Variants in ATR observed in about 807,000 individuals in gnomAD.
ATR encodes ATR checkpoint kinase.
A neutral mutation model predicts 305.3 loss-of-function variants in ATR; 142 were observed. That is an observed-to-expected ratio of 0.47 (90% CI 0.41 to 0.53). The LOEUF is 0.53. Ranked by LOEUF, ATR falls within the 20% of genes least tolerant of loss-of-function variation. The pLI, the probability that ATR is intolerant of heterozygous loss-of-function variation, is 0.00. For missense variants in ATR, 2,135 were observed against 3,133.1 expected, an observed-to-expected ratio of 0.68 and a Z score of 7.60; for synonymous variants, 1,050 against 1,068.1, an observed-to-expected ratio of 0.98 and a Z score of 0.33.
chr3:142,522,850 G>C lies in ATR; in HGVS notation c.4153-9C>G, dbSNP rs1216201337. 3.2e-6 allele frequency: 4 copies of C among 1,230,936 alleles called. No homozygotes were observed. The highest frequency in any genetic ancestry group is 4.5e-6 in the Non-Finnish European group (4 of 891,174). 76.3% of individuals were successfully genotyped at this position (1,230,936 alleles called of 1,614,324 possible). On this transcript the variant is annotated splice_polypyrimidine_tract_variant and intron_variant, in intron 22 of 46. Coordinates refer to ENST00000350721, the MANE Select transcript of ATR (RefSeq NM_001184.4). Reference sequence around the variant, plus strand: ...GAATCTTCTACTCCAGTCTCAATCAGAAAAAAAAAAAAGAAAATTCCAGGA... The same window carrying C: ...GAATCTTCTACTCCAGTCTCAATCACAAAAAAAAAAAAGAAAATTCCAGGA...
intron 28 of ATR, 121 bp from the exon 29 acceptor site, chr3:142,505,424 T>C: frequency 4.2e-6 from 5 of 1,185,370 alleles, no homozygotes; most frequent in South Asian, 3.9e-5. Context: ...CTCAAAGTAA[T>C]AGTAAGCATT....
chr3:142,578,203 G>C (rs2035502780), intron 1 of ATR, among the ~76,000 whole-genome samples: 2 of 152,162 alleles, frequency 1.3e-5, no homozygotes, highest in South Asian at 4.1e-4. Flanking sequence ...GGGCAGTTTG[G>C]GGACAAAATG....
chr3:142,478,532 G>A (rs1263944288), intron 36 of ATR, among the ~76,000 whole-genome samples: 1 of 152,114 alleles, frequency 6.6e-6, no homozygotes, highest in Non-Finnish European at 1.5e-5. Flanking sequence ...TTTTGGAATA[G>A]GTGTGGTGTG....
chr3:142,512,301 C>A lies in ATR; in HGVS notation c.4811G>T (p.Cys1604Phe), dbSNP rs756155865. 6.2e-7 allele frequency: 1 copy of A among 1,610,104 alleles called. No homozygotes were observed. Among genetic ancestry groups the A allele is most frequent in the Non-Finnish European group, 8.5e-7 (1 of 1,178,262 alleles). ...HKFQALKAEK[C>F]PHSKSNRNKV... ...ATTTCTGTTTGATTTGCTGTGTGGA[C>A]ATTTCTCAGCTTTCAGTGCCTGAAA... Residue 1604 changes from cysteine to phenylalanine, a missense_variant, in exon 27 of 47, where the codon TGT (cysteine) becomes TTT (phenylalanine). Coordinates refer to ENST00000350721, the MANE Select transcript of ATR (RefSeq NM_001184.4).
chr3:142,517,243 T>C lies in ATR; in HGVS notation c.4383-1728A>G, dbSNP rs116032369. 8.9e-3 allele frequency among the ~76,000 whole-genome samples: 1,354 copies of C among 151,828 alleles called. 27 individuals are homozygous for C. The highest frequency in any genetic ancestry group is 0.031 in the African/African-American group (1,290 of 41,424). ...TGATGTTTTCTCCTAAAGTTATTTC[T>C]ATGGTGATTTTGAACTGCAGTTGTT... On this transcript the variant is annotated intron_variant, in intron 24 of 46. Coordinates refer to ENST00000350721, the MANE Select transcript of ATR (RefSeq NM_001184.4).
rs2227929 is a variant in ATR at position 142,558,694 on chromosome 3, A to G, written c.1815T>C (p.Asp605=). The G allele has an allele frequency of 0.38, 614,771 of 1,611,750 alleles. 120,214 individuals are homozygous for G. The highest frequency in any genetic ancestry group is 0.41 in the Non-Finnish European group (477,781 of 1,178,504). ...CAAATGTGGTCAACTTTAAACAGCC[A>G]TCATCAGAATGGGAATAAATCCATG... ...SLPWIYSHSD[D]GCLKLTTFAA... The change falls in exon 8 of 47, where the codon GAT becomes GAC. Residue 605 remains aspartate (D), a synonymous_variant. Coordinates refer to ENST00000350721, the MANE Select transcript of ATR (RefSeq NM_001184.4).
intron 19 of ATR, among the ~76,000 whole-genome samples, chr3:142,537,811 G>A (rs2033911960): frequency 6.6e-6 from 1 of 152,102 alleles, no homozygotes; most frequent in Non-Finnish European, 1.5e-5. Context: ...AATACAAATG[G>A]GAAAGAATAA....
At chr3:142,468,169 G>A (rs2108276651) in intron 38 of ATR, 101 bp from the exon 39 acceptor site, 1 of 1,389,986 alleles carries the variant, frequency 7.2e-7, no homozygotes, top group Non-Finnish European at 9.9e-7. Flanking sequence ...TATTCATGAT[G>A]AGAGTTTATA....
chr3:142,464,315 C>T (rs1186767961), intron 41 of ATR, among the ~76,000 whole-genome samples: 1 of 151,952 alleles, frequency 6.6e-6, no homozygotes, highest in Non-Finnish European at 1.5e-5. Flanking sequence ...TTTGTAGAGA[C>T]AGGGTTTCAC....
chr3:142,537,091 C>CG (rs1388478026), intron 19 of ATR, among the ~76,000 whole-genome samples: 1 of 152,080 alleles, frequency 6.6e-6, no homozygotes, highest in East Asian at 1.9e-4. Flanking sequence ...GGGGATGGAA[C>CG]AATAAACAAA....
At chr3:142,522,288 A>G (rs1267630157) in intron 23 of ATR, among the ~76,000 whole-genome samples, 3 of 152,246 alleles carry the variant, frequency 2.0e-5, no homozygotes, top group Non-Finnish European at 4.4e-5. Context: ...TAATGTTAAT[A>G]TGCACTGGGA....
rs2108337032 is a variant in ATR at position 142,497,196 on chromosome 3, A to G, written c.5559-4T>C. ...CAACTCACATAACATGTGCAATCTGAAGATAGATAGAGCCTATGTTAAAAT... is the reference window on the plus strand; with the variant it reads ...CAACTCACATAACATGTGCAATCTGGAGATAGATAGAGCCTATGTTAAAAT... On this transcript the variant is annotated splice_region_variant and splice_polypyrimidine_tract_variant and intron_variant, in intron 32 of 46. Transcript: ENST00000350721. 1 of 1,613,702 alleles carries G rather than the reference A, an allele frequency of 6.2e-7. No individual in the cohort carries two copies. The highest frequency in any genetic ancestry group is 8.5e-7 in the Non-Finnish European group (1 of 1,179,710).
chr3:142,539,183 C>T (rs2033967013), intron 18 of ATR, among the ~76,000 whole-genome samples: 1 of 152,152 alleles, frequency 6.6e-6, no homozygotes, highest in Non-Finnish European at 1.5e-5. Context: ...CTAGTAGCTA[C>T]ATTCACTTAA....
At chr3:142,523,930 T>C in intron 22 of ATR, 63 bp downstream of exon 22, 2 of 1,506,910 alleles carry the variant, frequency 1.3e-6, no homozygotes, top group Non-Finnish European at 1.8e-6. Flanking sequence ...TCTTTGTAAA[T>C]GAAATATATA....
At chr3:142,450,725 G>T in intron 46 of ATR, 1 of 1,560,012 alleles carries the variant, frequency 6.4e-7, no homozygotes, top group South Asian at 1.1e-5. Flanking sequence ...AAAGAACTAC[G>T]GGGAATGAAG....
intron 34 of ATR, among the ~76,000 whole-genome samples, chr3:142,494,791 A>G (rs1464347291): frequency 6.6e-6 from 1 of 152,240 alleles, no homozygotes; most frequent in Non-Finnish European, 1.5e-5. Flanking sequence ...AGGTATGAAG[A>G]ATACTTTGTA....
intron 35 of ATR, among the ~76,000 whole-genome samples, chr3:142,486,972 A>AC (rs1559930226): frequency 6.8e-6 from 1 of 147,402 alleles, no homozygotes; most frequent in Non-Finnish European, 1.5e-5. Flanking sequence ...AAAAAAAAAA[A>AC]AAAAAAAAAC....
In ATR at chr3:142,578,729, A is replaced by G. The variant is rs1577732299; in HGVS notation, c.-25T>C. 3.7e-6 allele frequency: 6 copies of G among 1,609,684 alleles called. No individual in the cohort carries two copies. The highest frequency in any genetic ancestry group is 5.1e-6 in the Non-Finnish European group (6 of 1,178,778). On this transcript the variant is annotated 5_prime_UTR_variant, in exon 1 of 47. Coordinates refer to ENST00000350721, the MANE Select transcript of ATR (RefSeq NM_001184.4). ...TGCTGAGGCTGCGAGGCACTAGTCA[A>G]CCACGCCAACGCGGGTTCCCGGCGT...
At chr3:142,577,642 A>G (rs2035483017) in intron 1 of ATR, among the ~76,000 whole-genome samples, 1 of 152,264 alleles carries the variant, frequency 6.6e-6, no homozygotes, top group Admixed American at 6.5e-5. Context: ...CTGCAAAAAG[A>G]AAGAGAAGTA....
Sources: allele counts gnomAD v4.1 joint callset (sites outside exome capture counted in the v4.1 genomes callset), GRCh38; gene constraint gnomAD v4.1.1; transcripts MANE v1.5; gene names NCBI Gene and HGNC (gene_info 2026-07-23, HGNC 2026-07-21).